Variants in RGS7 observed in about 807,000 individuals in gnomAD.
The protein encoded by RGS7 is regulator of G-protein signaling 7.
Under a neutral mutation model 81.1 loss-of-function variants are expected in RGS7, and 27 were observed. That is an observed-to-expected ratio of 0.33 (90% CI 0.25 to 0.46). The LOEUF is 0.46. Among genes scored for constraint, RGS7 ranks in the 20% least tolerant of loss-of-function variants. The pLI, the probability that RGS7 is intolerant of heterozygous loss-of-function variation, is 1.00. For missense variants in RGS7, 396 were observed against 607.4 expected (o/e 0.65, Z 3.66); for synonymous variants, 208 against 207.7 (o/e 1.00, Z -0.01).
chr1:241,020,235 T>C (rs1375871544), intron 3 of RGS7, among the ~76,000 whole-genome samples: 17 of 152,190 alleles, frequency 1.1e-4, no homozygotes. Context: ...AAAACACGCA[T>C]GTATTCATTT....
intron 2 of RGS7, among the ~76,000 whole-genome samples, chr1:241,100,919 G>T (rs1023099188): frequency 5.9e-5 from 9 of 152,170 alleles, no homozygotes; most frequent in African/African-American, 2.2e-4. Context: ...TTACTCCAGG[G>T]GAGCTGAGCT....
intron 3 of RGS7, among the ~76,000 whole-genome samples, chr1:240,986,135 T>C (rs938863126): frequency 4.6e-5 from 7 of 152,160 alleles, no homozygotes; most frequent in Non-Finnish European, 8.8e-5. Flanking sequence ...GGAAAGTTTA[T>C]ACAGGCATAT....
intron 3 of RGS7, among the ~76,000 whole-genome samples, chr1:241,022,350 T>C (rs192096037): frequency 6.6e-6 from 1 of 152,328 alleles, no homozygotes; most frequent in East Asian, 1.9e-4. Context: ...AAACATAAAA[T>C]AACAGTCCTT....
chr1:240,911,636 T>C (rs1385056506), intron 6 of RGS7, among the ~76,000 whole-genome samples: 1 of 152,174 alleles, frequency 6.6e-6, no homozygotes, highest in Non-Finnish European at 1.5e-5. Flanking sequence ...CTGTAAGTCT[T>C]GTAAACACAA....
chr1:241,276,407 C>G (rs2078196751), intron 2 of RGS7, among the ~76,000 whole-genome samples: 1 of 152,154 alleles, frequency 6.6e-6, no homozygotes, highest in Non-Finnish European at 1.5e-5. Context: ...CATTCATAGG[C>G]AGAGATATAT....
At chr1:241,270,761 C>CTTTTTTT (rs1043826920) in intron 2 of RGS7, among the ~76,000 whole-genome samples, 1 of 148,906 alleles carries the variant, frequency 6.7e-6, no homozygotes. Flanking sequence ...ACCCCCCCCC[C>CTTTTTTT]TTTTTTTTTT....
intron 3 of RGS7, among the ~76,000 whole-genome samples, chr1:241,018,643 G>C (rs1337657350): frequency 1.3e-5 from 2 of 152,064 alleles, no homozygotes; most frequent in Non-Finnish European, 2.9e-5. Flanking sequence ...GTGACGGTAA[G>C]GTGGAGCGGA....
rs539010919 is a variant in RGS7, at chr1:240,868,634, T to C, written c.562A>G (p.Ile188Val). The change falls in exon 9 of 19, where the codon ATC (isoleucine) becomes GTC (valine). Residue 188 changes from isoleucine to valine, a missense_variant. Transcript: ENST00000440928. The surrounding 1 kb of genome is among the most constrained non-coding windows in gnomAD (Gnocchi z 5.1). ...DKKRDKIERK[I>V]LDSQERAFWD... Reference sequence around the variant, plus strand: ...AACGCTCTCTCTTGGCTGTCAAGGATCTTCCTTTCAATCTTGTCTCTCTTC... The same window carrying C: ...AACGCTCTCTCTTGGCTGTCAAGGACCTTCCTTTCAATCTTGTCTCTCTTC... 8.1e-6 allele frequency: 13 copies of C among 1,614,148 alleles called. No homozygotes were observed. The East Asian group carries it at 2.7e-4, about 33-fold the overall frequency.
intron 18 of RGS7, 66 bp from the exon 19 acceptor site, chr1:240,776,279 G>T: frequency 8.6e-7 from 1 of 1,165,480 alleles, no homozygotes; most frequent in Non-Finnish European, 1.3e-6. Flanking sequence ...AACCTGCTTA[G>T]TAGTAGCAAC....
intron 10 of RGS7, among the ~76,000 whole-genome samples, chr1:240,819,839 C>T (rs1691472328): frequency 1.3e-5 from 2 of 152,212 alleles, no homozygotes; most frequent in Admixed American, 6.5e-5. Flanking sequence ...TGGCTACTTG[C>T]TCTGAAGTTA....
chr1:240,976,561 G>C (rs1408431518), intron 4 of RGS7, among the ~76,000 whole-genome samples: 1 of 152,140 alleles, frequency 6.6e-6, no homozygotes. Flanking sequence ...CCCATCAGCT[G>C]AAGGCCTTAA....
chr1:241,284,934 G>T (rs754842022), intron 2 of RGS7, among the ~76,000 whole-genome samples: 1 of 151,932 alleles, frequency 6.6e-6, no homozygotes, highest in African/African-American at 2.4e-5. Flanking sequence ...GCAGTGGCAC[G>T]ATCTCAGCTC....
intron 3 of RGS7, among the ~76,000 whole-genome samples, chr1:240,997,977 A>AC (rs1687550075): frequency 6.6e-6 from 1 of 152,174 alleles, no homozygotes; most frequent in Non-Finnish European, 1.5e-5. Context: ...TCATTCTGTT[A>AC]GAGTTCGTCA....
intron 2 of RGS7, among the ~76,000 whole-genome samples, chr1:241,242,752 A>T (rs1337855316): frequency 6.6e-6 from 1 of 151,962 alleles, no homozygotes; most frequent in Admixed American, 6.6e-5. Flanking sequence ...GATTTTTTTC[A>T]TATGTTTCTT....
At chr1:241,065,508 T>C (rs1449049470) in intron 3 of RGS7, among the ~76,000 whole-genome samples, 2 of 152,264 alleles carry the variant, frequency 1.3e-5, no homozygotes, top group African/African-American at 4.8e-5. Flanking sequence ...CGATGCCAGG[T>C]TGAAGTTCAA....
intron 3 of RGS7, among the ~76,000 whole-genome samples, chr1:241,005,997 T>C (rs574395200): frequency 1.3e-5 from 2 of 152,374 alleles, no homozygotes; most frequent in African/African-American, 2.4e-5. Context: ...TAAAAAATGC[T>C]ATGAACATTC....
At position 240,868,405 on chromosome 1, in the gene RGS7, T is replaced by C. The variant is rs1474023925; in HGVS notation, c.609+182A>G. 2.6e-5 allele frequency among the ~76,000 whole-genome samples: 4 copies of C among 152,196 alleles called. No individual in the cohort carries two copies. The highest frequency in any genetic ancestry group is 9.6e-5 in the African/African-American group (4 of 41,458). Reference sequence around the variant, plus strand: ...AAAATGCATGGTTTTATAAATTAAATACGATGCTATTGAGGTCTAGTCATC... The same window carrying C: ...AAAATGCATGGTTTTATAAATTAAACACGATGCTATTGAGGTCTAGTCATC... On this transcript the variant is annotated intron_variant, in intron 9 of 18. Coordinates refer to ENST00000440928, the MANE Select transcript of RGS7 (RefSeq NM_001364886.1). This position sits in a 1 kb window ranked among gnomAD's most constrained non-coding sequence, Gnocchi z 5.1.
intron 2 of RGS7, among the ~76,000 whole-genome samples, chr1:241,236,972 T>C (rs2076015485): frequency 6.6e-6 from 1 of 152,244 alleles, no homozygotes; most frequent in Non-Finnish European, 1.5e-5. Context: ...TATGTAGCAT[T>C]ATCCATGAAG....
chr1:241,145,807 G>T (rs2068272256), intron 2 of RGS7, among the ~76,000 whole-genome samples: 1 of 152,176 alleles, frequency 6.6e-6, no homozygotes, highest in African/African-American at 2.4e-5. Flanking sequence ...GTGATGCCAT[G>T]ATCTTACTCC....
Sources: allele counts gnomAD v4.1 joint callset (sites outside exome capture counted in the v4.1 genomes callset), GRCh38; gene constraint gnomAD v4.1.1; non-coding constraint Gnocchi (gnomAD v3.1); transcripts MANE v1.5; gene names NCBI Gene and HGNC (gene_info 2026-07-23, HGNC 2026-07-21).